The following CTRC variants were observed in gnomAD, a reference collection of about 807,000 sequenced individuals.
CTRC encodes the protein chymotrypsin C, also known as chymotrypsin-C.
A neutral mutation model predicts 35.7 loss-of-function variants in CTRC; 32 were observed. The ratio of observed to expected loss-of-function variants is 0.90; its 90% CI spans 0.68 to 1.20. CTRC has a LOEUF of 1.20. Ranked by LOEUF, CTRC falls within the 50% of genes most tolerant of loss-of-function variation. The pLI is 0.00. For missense variants in CTRC, 324 were observed against 361.5 expected (o/e 0.90, Z 0.84); for synonymous variants, 119 against 149.5 (o/e 0.80, Z 1.49).
Position 15,444,766 on chromosome 1 carries a change from T to C in CTRC, c.639+15T>C, listed in dbSNP as rs746462431. The C allele has an allele frequency of 3.1e-6, 5 of 1,614,150 alleles. No individual in the cohort carries two copies. The Admixed American group carries it at 6.7e-5, about 22-fold the overall frequency. ...CAGCCTGCAATGTGAGTGGCTAGGT[T>C]CTGCACCTTGTCCCTACTCCAAGTG... is the stretch of plus-strand genomic sequence containing the variant. On this transcript the variant is annotated intron_variant, in intron 6 of 7. Coordinates refer to ENST00000375949, the MANE Select transcript of CTRC (RefSeq NM_007272.3).
chr1:15,439,429 AAAAAAAAAAAG>A (rs1228940792), intron 1 of CTRC, among the ~76,000 whole-genome samples: 1 of 151,864 alleles, frequency 6.6e-6, no homozygotes, highest in Non-Finnish European at 1.5e-5. Flanking sequence ...GTCTCAAAAA[AAAAAAAAAAAG>A]AAAAAGAAAG....
intron 5 of CTRC, among the ~76,000 whole-genome samples, 188 bp from the exon 6 acceptor site, chr1:15,444,418 G>A (rs1034666750): frequency 3.9e-5 from 6 of 152,016 alleles, no homozygotes; most frequent in South Asian, 2.1e-4. Flanking sequence ...TCCTTCTGCC[G>A]GCAGCCTGCT....
chr1:15,445,328 A>T (rs1708200022), intron 6 of CTRC, among the ~76,000 whole-genome samples: 1 of 152,186 alleles, frequency 6.6e-6, no homozygotes, highest in Non-Finnish European at 1.5e-5. Context: ...CAGCTAGGGA[A>T]ACTGAGGCAC....
chr1:15,442,857 T>C (rs140461463), intron 4 of CTRC, among the ~76,000 whole-genome samples: 27 of 152,252 alleles, frequency 1.8e-4, no homozygotes, highest in Non-Finnish European at 2.1e-4. Flanking sequence ...GAGTTCCTAC[T>C]GTATGCCCAC....
At position 15,446,719 on chromosome 1, in the gene CTRC, C is replaced by A. The variant is rs1708227682; in HGVS notation, c.*130C>A. The A allele has an allele frequency of 3.6e-5, 39 of 1,089,584 alleles. No individual in the cohort carries two copies. In the South Asian group the frequency reaches 4.7e-4, roughly 13 times the overall value. 67.5% of individuals were successfully genotyped at this position (1,089,584 alleles called of 1,614,324 possible). On this transcript the variant is annotated 3_prime_UTR_variant, in exon 8 of 8. Coordinates refer to ENST00000375949, the MANE Select transcript of CTRC (RefSeq NM_007272.3). ...CTCTCTGGTGCTGCCCCTTTCCACA[C>A]TATGGAGCCAAAGAGAGACCCCACT...
rs1321643509 is a variant in CTRC, at chr1:15,445,789, C to A, written c.792+40C>A. 9.3e-6 allele frequency: 15 copies of A among 1,612,026 alleles called. No individual in the cohort carries two copies. In the Middle Eastern group the frequency reaches 9.9e-4, roughly 106 times the overall value. The stretch of plus-strand genomic sequence containing the variant: ...CACAGCTGTCCCTGCACCTGTCAGC[C>A]CCTCCCCCTCACTCACCCATCCCCT... On this transcript the variant is annotated intron_variant, in intron 7 of 7. Coordinates refer to ENST00000375949, the MANE Select transcript of CTRC (RefSeq NM_007272.3).
Position 15,440,396 on chromosome 1 carries a change from G to A in CTRC, c.132+5G>A. On this transcript the variant is annotated splice_donor_5th_base_variant and intron_variant, in intron 2 of 7. Transcript: ENST00000375949. ...CCCCACAGCTGGCCCTGGCAGGTAA[G>A]CCTGTGTAGGGCTGGGAGGTACAGA... 2 of 1,612,678 alleles carry A rather than the reference G, an allele frequency of 1.2e-6. No individual in the cohort carries two copies. Among genetic ancestry groups the A allele is most frequent in the Non-Finnish European group, 1.7e-6 (2 of 1,179,496 alleles).
Position 15,443,561 on chromosome 1 carries a change from T to C in CTRC, c.493+6T>C, listed in dbSNP as rs751043715. ...CGGCTGGGGCCGCCTCTGGAGTGAG[T>C]ATCGTCCCTGGCAAATCCTGAGAGC... On this transcript the variant is annotated splice_donor_region_variant and intron_variant, in intron 5 of 7. Transcript: ENST00000375949. The C allele has an allele frequency of 4.3e-6, 7 of 1,614,044 alleles. No homozygotes were observed. The African/African-American group carries it at 8.0e-5, about 18-fold the overall frequency.
chr1:15,439,215 C>G (rs1708085875), intron 1 of CTRC, among the ~76,000 whole-genome samples: 1 of 151,986 alleles, frequency 6.6e-6, no homozygotes, highest in Non-Finnish European at 1.5e-5. Context: ...CACTTGAGAT[C>G]AGGAGTTTGA....
In CTRC at chr1:15,443,542, G is replaced by A; in HGVS notation, c.480G>A (p.Trp160Ter). Residue 160 changes from tryptophan to a stop codon, truncating the protein, a stop_gained, in exon 5 of 8, where the codon TGG becomes TGA. Coordinates refer to ENST00000375949, the MANE Select transcript of CTRC (RefSeq NM_007272.3). LOFTEE classifies it high-confidence loss of function. ...ACTACCCCTGCTATGTCACCGGCTG[G>A]GGCCGCCTCTGGAGTGAGTATCGTC... ...PKDYPCYVTG[W>*]GRLWTNGPIA... 2 of 1,614,216 alleles carry A rather than the reference G, an allele frequency of 1.2e-6. No individual in the cohort carries two copies. The highest frequency in any genetic ancestry group is 8.5e-7 in the Non-Finnish European group (1 of 1,180,042).
chr1:15,447,117 A>C lies in CTRC; in HGVS notation c.*528A>C. 4 of 228,404 alleles carry C rather than the reference A, an allele frequency of 1.8e-5. No individual in the cohort carries two copies. The highest frequency in any genetic ancestry group is 1.2e-4 in the East Asian group (1 of 8,644). 14.1% of individuals were successfully genotyped at this position (228,404 alleles called of 1,614,324 possible). A position where few individuals can be genotyped will look rare whatever the true frequency, so the allele number is the denominator to read the frequency against. On this transcript the variant is annotated 3_prime_UTR_variant, in exon 8 of 8. Transcript: ENST00000375949. Reference sequence around the variant, plus strand: ...GGATGGCCAAAGCTCAGGGACAACCACTCCTGGGGAAGGGGCTCCCTAGCA... The same window carrying C: ...GGATGGCCAAAGCTCAGGGACAACCCCTCCTGGGGAAGGGGCTCCCTAGCA...
At position 15,442,484 on chromosome 1, in the gene CTRC, A is replaced by T. The variant is rs767382039; in HGVS notation, c.268A>T (p.Asn90Tyr). 6.2e-7 allele frequency: 1 copy of T among 1,614,022 alleles called. No individual in the cohort carries two copies. Among genetic ancestry groups the T allele is most frequent in the African/African-American group, 1.3e-5 (1 of 74,920 alleles). ...CTACCGTGTGGCCGTGGGAAAGAAC[A>T]ACCTGGAGGTGGAAGACGAAGAAGG... ...RTYRVAVGKN[N>Y]LEVEDEEGSL... Residue 90 changes from asparagine to tyrosine, a missense_variant, in exon 4 of 8, where the codon AAC becomes TAC. Asn to Tyr is a moderately radical substitution (Grantham distance 143, BLOSUM62 -2). Coordinates refer to ENST00000375949, the MANE Select transcript of CTRC (RefSeq NM_007272.3).
rs1708166750 is a variant in CTRC, at chr1:15,443,500, C to T, written c.438C>T (p.Asp146=). 6.2e-7 allele frequency: 1 copy of T among 1,614,126 alleles called. No homozygotes were observed. The highest frequency in any genetic ancestry group is 8.5e-7 in the Non-Finnish European group (1 of 1,180,052). The part of the protein sequence containing the change: ...TIQVACLPEK[D]SLLPKDYPCY... ...AGGTGGCCTGCCTGCCAGAGAAGGA[C>T]TCCCTGCTCCCCAAGGACTACCCCT... Residue 146 remains aspartate (D), a synonymous_variant, in exon 5 of 8, where the codon GAC becomes GAT. Coordinates refer to ENST00000375949, the MANE Select transcript of CTRC (RefSeq NM_007272.3).
chr1:15,446,776 G>C lies in CTRC; in HGVS notation c.*187G>C. On this transcript the variant is annotated 3_prime_UTR_variant, in exon 8 of 8. Coordinates refer to ENST00000375949, the MANE Select transcript of CTRC (RefSeq NM_007272.3). The stretch of plus-strand genomic sequence containing the variant: ...GTTTCCCCCACCCTGCATTAGACAG[G>C]TGGGGAAACAGAGGCCGGGAGAGAG... The C allele has an allele frequency of 1.4e-6, 1 of 729,708 alleles. No individual in the cohort carries two copies. The highest frequency in any genetic ancestry group is 2.4e-6 in the Non-Finnish European group (1 of 411,456). 45.2% of individuals were successfully genotyped at this position (729,708 alleles called of 1,614,324 possible).
intron 6 of CTRC, 33 bp from the exon 7 acceptor site, chr1:15,445,564 C>T (rs1404518741): frequency 6.2e-7 from 1 of 1,607,338 alleles, no homozygotes; most frequent in Non-Finnish European, 8.5e-7. Context: ...TGGGGGGGGG[C>T]CTGGTGGCTT....
At position 15,440,369 on chromosome 1, in the gene CTRC, G is replaced by T. The variant is rs145868278; in HGVS notation, c.110G>T (p.Arg37Leu). The T allele has an allele frequency of 6.2e-7, 1 of 1,612,104 alleles. No individual in the cohort carries two copies. Among genetic ancestry groups the T allele is most frequent in the East Asian group, 2.2e-5 (1 of 44,856 alleles). The change falls in exon 2 of 8, where the codon CGG (arginine) becomes CTG (leucine). Residue 37 changes from arginine (R) to leucine (L), a missense_variant. Transcript: ENST00000375949. ...SARVVGGEDA[R>L]PHSWPWQISL... ...CGAGTGGTGGGAGGAGAGGATGCCC[G>T]GCCCCACAGCTGGCCCTGGCAGGTA...
rs968671531 is a variant in CTRC, at chr1:15,446,465, C to G, written c.793-110C>G. 1.7e-5 allele frequency: 18 copies of G among 1,080,568 alleles called. No individual in the cohort carries two copies. In the East Asian group the frequency reaches 4.2e-4, roughly 25 times the overall value. The allele number at this position is 1,080,568 out of a possible 1,614,324, so 66.9% of individuals were successfully genotyped here. On this transcript the variant is annotated intron_variant, in intron 7 of 7. Transcript: ENST00000375949. ...CAGGGACAAGGCTGGCATGTGAAGG[C>G]CGGGGGCTGCTGGCCATGCCCCCAT...
chr1:15,444,936 G>C (rs1048703134), intron 6 of CTRC, among the ~76,000 whole-genome samples, 185 bp downstream of exon 6: 1 of 152,160 alleles, frequency 6.6e-6, no homozygotes, highest in African/African-American at 2.4e-5. Context: ...CATTGAGCAC[G>C]AGTATCTGAG....
chr1:15,447,336 A>G lies in CTRC; in HGVS notation c.*747A>G, dbSNP rs1708237562. On this transcript the variant is annotated 3_prime_UTR_variant, in exon 8 of 8. Coordinates refer to ENST00000375949, the MANE Select transcript of CTRC (RefSeq NM_007272.3). ...GTTTGAAGAAGGCAATGGTTTCCAC[A>G]CAGAATCACAGTGGTCAGAGCTGGA... is the stretch of plus-strand genomic sequence containing the variant. The G allele has an allele frequency of 6.5e-6, 1 of 154,704 alleles. No individual in the cohort carries two copies. Among genetic ancestry groups the G allele is most frequent in the Admixed American group, 6.4e-5 (1 of 15,722 alleles). 9.6% of individuals were successfully genotyped at this position (154,704 alleles called of 1,614,324 possible). A position where few individuals can be genotyped will look rare whatever the true frequency, so the allele number is the denominator to read the frequency against.
Sources: gnomAD v4.1 joint callset for allele counts (sites outside exome capture counted in the v4.1 genomes callset) on GRCh38, gnomAD v4.1.1 for gene constraint, MANE v1.5 for transcripts, NCBI Gene and HGNC (gene_info 2026-07-23, HGNC 2026-07-21) for gene names.